TPST1: variants seen among roughly 807,000 people sequenced by gnomAD.
The protein encoded by TPST1 is tyrosylprotein sulfotransferase 1.
A neutral mutation model predicts 34.8 loss-of-function variants in TPST1; 20 were observed. The observed-to-expected ratio is 0.57, with a 90% CI of 0.40 to 0.84. The LOEUF (loss-of-function observed/expected upper bound fraction) is 0.84. Among genes scored for constraint, TPST1 ranks in the 40% least tolerant of loss-of-function variants. The probability of loss-of-function intolerance (pLI) is 0.00; values close to 1 mark genes in which losing one functional copy is unlikely to be tolerated. For missense variants in TPST1, 353 were observed against 455.5 expected, an observed-to-expected ratio of 0.78 and a Z score of 2.05; for synonymous variants, 152 against 159.4, an observed-to-expected ratio of 0.95 and a Z score of 0.35.
chr7:66,224,888 A>C (rs1789615917), intron 1 of TPST1, among the ~76,000 whole-genome samples: 1 of 142,934 alleles, frequency 7.0e-6, no homozygotes, highest in Non-Finnish European at 1.5e-5. Context: ...CTGAGCCTGA[A>C]CATTCTGGTA....
At chr7:66,282,747 T>C (rs568414331) in intron 2 of TPST1, among the ~76,000 whole-genome samples, 1 of 152,286 alleles carries the variant, frequency 6.6e-6, no homozygotes, top group Non-Finnish European at 1.5e-5. Context: ...TGTGGAATGT[T>C]TGTGTGGCTC....
intron 1 of TPST1, among the ~76,000 whole-genome samples, chr7:66,224,563 G>A (rs1198681468): frequency 6.6e-6 from 1 of 152,196 alleles, no homozygotes; most frequent in African/African-American, 2.4e-5. Flanking sequence ...ACAGCAGGGT[G>A]TGGTGAATGT....
chr7:66,232,744 C>G (rs1338261706), intron 1 of TPST1, among the ~76,000 whole-genome samples: 3 of 152,202 alleles, frequency 2.0e-5, no homozygotes, highest in East Asian at 3.8e-4. Flanking sequence ...CTGGGCTCAT[C>G]TCCCACATCA....
intron 3 of TPST1, among the ~76,000 whole-genome samples, chr7:66,327,354 A>G (rs149911004): frequency 1.5e-4 from 23 of 152,294 alleles, no homozygotes; most frequent in African/African-American, 5.3e-4. Context: ...GGGATAAATT[A>G]TATTTAGTTC....
intron 3 of TPST1, among the ~76,000 whole-genome samples, chr7:66,298,480 T>C (rs577688243): frequency 7.4e-4 from 112 of 152,320 alleles, no homozygotes; most frequent in Non-Finnish European, 1.1e-3. Context: ...ATATACATGG[T>C]ATATTTTCCC....
At chr7:66,327,105 G>T (rs1351831329) in intron 3 of TPST1, among the ~76,000 whole-genome samples, 1 of 152,094 alleles carries the variant, frequency 6.6e-6, no homozygotes, top group Non-Finnish European at 1.5e-5. Flanking sequence ...TATCTGGCTG[G>T]AGTTATTTGT....
intron 3 of TPST1, among the ~76,000 whole-genome samples, chr7:66,350,159 G>A (rs1477727243): frequency 3.3e-5 from 5 of 152,058 alleles, no homozygotes; most frequent in East Asian, 3.9e-4. Context: ...GATTACAGGC[G>A]CCTGCCAACA....
chr7:66,357,223 A>G (rs1287751914), intron 5 of TPST1, among the ~76,000 whole-genome samples: 2 of 152,164 alleles, frequency 1.3e-5, no homozygotes, highest in Admixed American at 1.3e-4. Flanking sequence ...CTGTTTACTG[A>G]TAAGGAAGCT....
chr7:66,304,760 T>C (rs997265188), intron 3 of TPST1, among the ~76,000 whole-genome samples: 1 of 152,094 alleles, frequency 6.6e-6, no homozygotes, highest in African/African-American at 2.4e-5. Flanking sequence ...ACTAGCTGAG[T>C]CACATCCCCT....
chr7:66,244,094 G>GC (rs1047988898), intron 2 of TPST1, among the ~76,000 whole-genome samples: 6 of 151,326 alleles, frequency 4.0e-5, no homozygotes, highest in African/African-American at 1.5e-4. Context: ...GACTATAGGT[G>GC]CCCCCCACCA....
chr7:66,248,194 A>G (rs1407385088), intron 2 of TPST1, among the ~76,000 whole-genome samples: 4 of 152,108 alleles, frequency 2.6e-5, no homozygotes, highest in Non-Finnish European at 5.9e-5. Context: ...GGAGGGCCTT[A>G]TATTTTAAGC....
At chr7:66,314,427 T>G (rs1479862403) in intron 3 of TPST1, among the ~76,000 whole-genome samples, 1 of 152,134 alleles carries the variant, frequency 6.6e-6, no homozygotes, top group Non-Finnish European at 1.5e-5. Flanking sequence ...GTGGGAGGAT[T>G]GTCTGAGCCC....
intron 2 of TPST1, among the ~76,000 whole-genome samples, chr7:66,243,146 GGTGTGTGTGT>G (rs150715860): frequency 1.3e-5 from 2 of 148,480 alleles, no homozygotes; most frequent in Admixed American, 6.7e-5. Context: ...GATGACAAGG[GGTGTGTGTGT>G]GTGTGTGTGT....
intron 2 of TPST1, among the ~76,000 whole-genome samples, chr7:66,276,406 C>T (rs1790816568): frequency 1.2e-5 from 1 of 86,658 alleles, no homozygotes; most frequent in Admixed American, 1.1e-4. Flanking sequence ...CAGAGCCTCA[C>T]TTTGTCTCCC....
upstream of TPST1, among the ~76,000 whole-genome samples, chr7:66,201,293 C>T (rs892831093): frequency 6.6e-6 from 1 of 151,288 alleles, no homozygotes; most frequent in African/African-American, 2.4e-5. Context: ...CCTATAATCC[C>T]ACCACTTTGG....
chr7:66,330,073 C>G (rs1300752908), intron 3 of TPST1, among the ~76,000 whole-genome samples: 1 of 152,158 alleles, frequency 6.6e-6, no homozygotes, highest in East Asian at 1.9e-4. Flanking sequence ...TGTAACAAAC[C>G]TGCACATGTA....
At chr7:66,292,841 G>A (rs938175605) in intron 3 of TPST1, among the ~76,000 whole-genome samples, 5 of 151,712 alleles carry the variant, frequency 3.3e-5, no homozygotes, top group African/African-American at 1.2e-4. Context: ...GCTGGGAGCT[G>A]TAGACCGGAG....
intron 2 of TPST1, among the ~76,000 whole-genome samples, chr7:66,282,749 GTGTGGCT>G (rs1790957091): frequency 3.9e-5 from 6 of 152,230 alleles, no homozygotes; most frequent in Admixed American, 2.6e-4. Flanking sequence ...TGGAATGTTT[GTGTGGCT>G]CCCCAACCAG....
chr7:66,252,439 T>G (rs1362162528), intron 2 of TPST1, among the ~76,000 whole-genome samples: 1 of 148,724 alleles, frequency 6.7e-6, no homozygotes, highest in African/African-American at 2.5e-5. Flanking sequence ...CACTGCAAGC[T>G]CACACCATTC....
Sources: gnomAD v4.1 joint callset for allele counts (sites outside exome capture counted in the v4.1 genomes callset) on GRCh38, gnomAD v4.1.1 for gene constraint, MANE v1.5 for transcripts, NCBI Gene and HGNC (gene_info 2026-07-23, HGNC 2026-07-21) for gene names.